Variants in PLD5 observed in about 807,000 individuals in gnomAD.
The protein encoded by PLD5 is phospholipase D family member 5, also known as inactive phospholipase D5.
In PLD5, 36 loss-of-function variants were observed where a neutral mutation model predicts 61.1. The observed-to-expected ratio is 0.59, with a 90% CI of 0.45 to 0.78. The LOEUF (loss-of-function observed/expected upper bound fraction) is 0.78. Ranked by LOEUF, PLD5 falls within the 30% of genes least tolerant of loss-of-function variation. The pLI is 0.00. For synonymous variants in PLD5, 243 were observed against 242.8 expected (o/e 1.00, Z -0.01); for missense variants, 515 against 644.4 (o/e 0.80, Z 2.17).
At position 242,175,044 on chromosome 1, in the gene PLD5, T is replaced by TA. The variant is rs200603553; in HGVS notation, c.735+44943dup. On this transcript the variant is annotated intron_variant, in intron 5 of 9. Coordinates refer to ENST00000536534, the MANE Select transcript of PLD5 (RefSeq NM_001372062.1). The stretch of plus-strand genomic sequence containing the variant: ...TACCCTAGAACTTAAAGTATAATAA[T>TA]AAAAAAAAACTATTCCAAACAATAG... Among the ~76,000 whole-genome samples the TA allele has an allele frequency of 1.5e-3, 234 of 150,988 alleles. 3 individuals carry two copies. The highest frequency in any genetic ancestry group is 0.014 in the Middle Eastern group (4 of 294).
intron 2 of PLD5, among the ~76,000 whole-genome samples, chr1:242,342,602 C>T (rs1211814391): frequency 6.6e-6 from 1 of 152,330 alleles, no homozygotes; most frequent in East Asian, 1.9e-4. Context: ...GGCCTACTGA[C>T]ATGTAGGTTA....
At chr1:242,393,985 G>T (rs113820027) in intron 1 of PLD5, among the ~76,000 whole-genome samples, 1 of 126,264 alleles carries the variant, frequency 7.9e-6, no homozygotes, top group South Asian at 2.8e-4. Flanking sequence ...ACTTGAACCC[G>T]GAAGGCGGAG....
chr1:242,520,587 G>T (rs1669249664), intron 1 of PLD5, among the ~76,000 whole-genome samples: 5 of 152,100 alleles, frequency 3.3e-5, no homozygotes, highest in Admixed American at 2.0e-4. Flanking sequence ...AGAAAATAAG[G>T]CATCTCCATC....
intron 1 of PLD5, among the ~76,000 whole-genome samples, chr1:242,449,880 T>C (rs1453083996): frequency 6.6e-6 from 1 of 152,132 alleles, no homozygotes; most frequent in Non-Finnish European, 1.5e-5. Context: ...GAGCACTCCA[T>C]GGTTACAGCA....
At position 242,256,770 on chromosome 1, in the gene PLD5, CTATCT is replaced by C. The variant is rs1255124131; in HGVS notation, c.607+8562_607+8566del. 1.3e-5 allele frequency among the ~76,000 whole-genome samples: 2 copies of C among 149,658 alleles called. No individual in the cohort carries two copies. Among genetic ancestry groups the C allele is most frequent in the East Asian group, 3.9e-4 (2 of 5,168 alleles). ...ATCATCTATCTATCTATCTATCTAT[CTATCT>C]ATCTATCTATCTATCTATCTATTAA... On this transcript the variant is annotated intron_variant, in intron 4 of 9. Coordinates refer to ENST00000536534, the MANE Select transcript of PLD5 (RefSeq NM_001372062.1). The surrounding 1 kb of genome is among the most constrained non-coding windows in gnomAD (Gnocchi z 5.7).
intron 5 of PLD5, chr1:242,147,492 G>A (rs188826814): frequency 6.6e-6 from 1 of 152,216 alleles, no homozygotes; most frequent in African/African-American, 2.4e-5. Context: ...GCATATTTTC[G>A]TGAGGATGTA....
intron 4 of PLD5, among the ~76,000 whole-genome samples, chr1:242,241,910 TA>T (rs1384544565): frequency 2.2e-4 from 11 of 50,398 alleles, no homozygotes; most frequent in African/African-American, 8.1e-5. Context: ...TATATATATA[TA>T]CTTACTGTAT....
intron 5 of PLD5, among the ~76,000 whole-genome samples, chr1:242,167,934 G>C (rs1441235665): frequency 1.3e-5 from 2 of 152,206 alleles, no homozygotes; most frequent in Non-Finnish European, 2.9e-5. Context: ...TTTGCTGGAG[G>C]AGGAAGTGGT....
chr1:242,462,487 G>T (rs146620775), intron 1 of PLD5, among the ~76,000 whole-genome samples: 3 of 151,946 alleles, frequency 2.0e-5, no homozygotes, highest in African/African-American at 7.3e-5. Flanking sequence ...AGGGAGGAAC[G>T]GGCGTGGGTT....
At chr1:242,466,833 C>T (rs1480742573) in intron 1 of PLD5, among the ~76,000 whole-genome samples, 5 of 151,078 alleles carry the variant, frequency 3.3e-5, no homozygotes, top group Non-Finnish European at 7.4e-5. Flanking sequence ...GCGGAAGTTG[C>T]AGTGAGCTGA....
chr1:242,503,833 C>G (rs1170899723), intron 1 of PLD5, among the ~76,000 whole-genome samples: 1 of 152,094 alleles, frequency 6.6e-6, no homozygotes, highest in Non-Finnish European at 1.5e-5. Flanking sequence ...CATTTTAACA[C>G]CTGAAACAGA....
chr1:242,190,868 G>A (rs1668229803), intron 5 of PLD5, among the ~76,000 whole-genome samples: 1 of 152,184 alleles, frequency 6.6e-6, no homozygotes, highest in South Asian at 2.1e-4. Flanking sequence ...ATCATGCACT[G>A]CTGGATTTTC....
upstream of PLD5, among the ~76,000 whole-genome samples, chr1:242,526,440 T>C (rs1192075669): frequency 6.6e-6 from 1 of 150,708 alleles, no homozygotes; most frequent in Non-Finnish European, 1.5e-5. Flanking sequence ...TGTTTGTTTG[T>C]TTTGTTTTGT....
At chr1:242,135,918 C>T (rs542389507) in intron 5 of PLD5, among the ~76,000 whole-genome samples, 11 of 152,256 alleles carry the variant, frequency 7.2e-5, no homozygotes, top group Admixed American at 3.9e-4. Flanking sequence ...GATTGACCTC[C>T]CTAGCGAGAC....
At chr1:242,149,512 T>A (rs1228810237) in intron 5 of PLD5, among the ~76,000 whole-genome samples, 1 of 151,838 alleles carries the variant, frequency 6.6e-6, no homozygotes, top group Non-Finnish European at 1.5e-5. Context: ...TTTTACTTTT[T>A]TTTTTTAATA....
At chr1:242,305,857 C>CCAAA (rs1676318726) in intron 2 of PLD5, among the ~76,000 whole-genome samples, 1 of 152,052 alleles carries the variant, frequency 6.6e-6, no homozygotes, top group South Asian at 2.1e-4. Flanking sequence ...TTTTGTCTTC[C>CCAAA]CAAATCCTGA....
chr1:242,287,164 G>A (rs971268595), intron 3 of PLD5, among the ~76,000 whole-genome samples: 1 of 152,112 alleles, frequency 6.6e-6, no homozygotes, highest in Admixed American at 6.5e-5. Context: ...CATGCAGAGA[G>A]ACTCAGCCAT....
intron 5 of PLD5, among the ~76,000 whole-genome samples, chr1:242,207,403 G>A (rs1384114862): frequency 2.0e-5 from 3 of 152,010 alleles, no homozygotes; most frequent in Non-Finnish European, 4.4e-5. Context: ...TTGGCCTGTA[G>A]GTCTGACTCC....
rs1368259196 is a variant in PLD5 at position 242,394,700 on chromosome 1, G to A, written c.190-46458C>T. ...TATGTGAACATATATGTGTATATAT[G>A]TGAACATATATGTGTATATATGTGA... is the stretch of plus-strand genomic sequence containing the variant. On this transcript the variant is annotated intron_variant, in intron 1 of 9. Transcript: ENST00000536534. Among the ~76,000 whole-genome samples the A allele has an allele frequency of 3.2e-4, 17 of 53,790 alleles. 5 individuals are homozygous for A. The highest frequency in any genetic ancestry group is 2.9e-4 in the Non-Finnish European group (9 of 31,538). 35.3% of individuals were successfully genotyped at this position (53,790 alleles called of 152,430 possible). A position where few individuals can be genotyped will look rare whatever the true frequency, so the allele number is the denominator to read the frequency against.
Sources: gnomAD v4.1 joint callset for allele counts (sites outside exome capture counted in the v4.1 genomes callset) on GRCh38, gnomAD v4.1.1 for gene constraint, Gnocchi (gnomAD v3.1) non-coding constraint, MANE v1.5 for transcripts, NCBI Gene and HGNC (gene_info 2026-07-23, HGNC 2026-07-21) for gene names.